Variants in RIF1 observed in about 807,000 individuals in gnomAD.
RIF1 encodes telomere-associated protein RIF1.
A neutral mutation model predicts 247.1 loss-of-function variants in RIF1; 45 were observed. The observed-to-expected ratio is 0.18, with a 90% CI of 0.14 to 0.23. RIF1 has a LOEUF of 0.23. Ranked by LOEUF, RIF1 falls within the 10% of genes least tolerant of loss-of-function variation. The pLI is 1.00. For synonymous variants in RIF1, 1,087 were observed against 978.8 expected, an observed-to-expected ratio of 1.11 and a Z score of -2.06; for missense variants, 2,967 against 2,862.5, an observed-to-expected ratio of 1.04 and a Z score of -0.83.
exon 11 of RIF1, chr2:151,499,393 G>A (rs944708836): frequency 6.6e-7 from 1 of 1,507,132 alleles, no homozygotes; most frequent in African/African-American, 1.4e-5. Context: ...TACAACACCT[G>A]TATGACACAA....
rs1696314030 is a variant in RIF1 at position 151,462,337 on chromosome 2, C to T, written c.3308+15C>T. 1 of 1,527,228 alleles carries T rather than the reference C, an allele frequency of 6.5e-7. No individual in the cohort carries two copies. The highest frequency in any genetic ancestry group is 8.9e-7 in the Non-Finnish European group (1 of 1,126,784). 94.6% of individuals were successfully genotyped at this position (1,527,228 alleles called of 1,614,324 possible). On this transcript the variant is annotated intron_variant, in intron 28 of 35. Coordinates refer to ENST00000444746, the MANE Select transcript of RIF1 (RefSeq NM_018151.5). ...GAAGAGCCTATGTAAGTACAGAAGC[C>T]ATCAAACTTTTATATCTGTTTTATT...
In RIF1 at chr2:151,468,085, A is replaced by G. The variant is rs768430126; in HGVS notation, c.6686A>G (p.His2229Arg). 1 of 1,613,332 alleles carries G rather than the reference A, an allele frequency of 6.2e-7. No individual in the cohort carries two copies. Among genetic ancestry groups the G allele is most frequent in the Non-Finnish European group, 8.5e-7 (1 of 1,179,492 alleles). The change falls in exon 31 of 36, where the codon CAT (histidine) becomes CGT (arginine). Residue 2229 changes from histidine (H) to arginine (R), a missense_variant. Transcript: ENST00000444746. ...IDRRCSIVRS[H>R]SSNSSPIGKS... is the part of the protein sequence containing the mutation. ...AGACGGTGCTCTATTGTTAGGTCCCATTCTTCCAATAGTTCTCCCATAGGA... is the reference window on the plus strand; with the variant it reads ...AGACGGTGCTCTATTGTTAGGTCCCGTTCTTCCAATAGTTCTCCCATAGGA...
At chr2:151,462,509 T>A in intron 29 of RIF1, 43 bp downstream of exon 29, 1 of 1,285,250 alleles carries the variant, frequency 7.8e-7, no homozygotes, top group Non-Finnish European at 1.1e-6. Flanking sequence ...AGAATCACCC[T>A]TCCATTATAC....
rs772814892 is a variant in RIF1 at position 151,438,684 on chromosome 2, A to T, written c.1484A>T (p.Asp495Val). Reference protein sequence around the residue: ...SFVAVGKDAPDVVVSAIWKEL... With the variant: ...SFVAVGKDAPVVVVSAIWKEL... ...TACTCAAGTTTATTTTGTTTGACAG[A>T]TGTGGTTGTCAGTGCTATCTGGAAG... Residue 495 changes from aspartate to valine, a missense_variant and splice_region_variant, in exon 14 of 36, where the codon GAT (aspartate) becomes GTT (valine). Around this residue, in one of 7 missense-constraint regions of RIF1, gnomAD observed 369 missense variants for 322.0 expected, o/e 1.15. Transcript: ENST00000444746. 4 of 1,608,862 alleles carry T rather than the reference A, an allele frequency of 2.5e-6. No individual in the cohort carries two copies. The African/African-American group carries it at 4.0e-5, about 16-fold the overall frequency.
intron 8 of RIF1, 62 bp from the exon 9 acceptor site, chr2:151,428,722 G>T: frequency 7.8e-7 from 1 of 1,274,770 alleles, no homozygotes. Context: ...ATAAAGGAAT[G>T]ATAGCAATTA....
chr2:151,430,774 C>T (rs1689974473), intron 9 of RIF1, among the ~76,000 whole-genome samples: 1 of 151,962 alleles, frequency 6.6e-6, no homozygotes, highest in South Asian at 2.1e-4. Flanking sequence ...CACCTCAGCC[C>T]CCCCAAGTAG....
At position 151,457,915 on chromosome 2, in the gene RIF1, A is replaced by C. The variant is rs1695469901; in HGVS notation, c.2807A>C (p.Asn936Thr). The C allele has an allele frequency of 9.3e-6, 15 of 1,613,822 alleles. No individual in the cohort carries two copies. The highest frequency in any genetic ancestry group is 1.3e-5 in the African/African-American group (1 of 74,922). The change falls in exon 24 of 36, where the codon AAT becomes ACT. Residue 936 changes from asparagine to threonine, a missense_variant. Coordinates refer to ENST00000444746, the MANE Select transcript of RIF1 (RefSeq NM_018151.5). Reference protein sequence around the residue: ...QIRKQSAQFWNATFAKVMMLV... With the variant: ...QIRKQSAQFWTATFAKVMMLV... Reference sequence around the variant, plus strand: ...CGAAAACAGAGTGCTCAGTTCTGGAATGCCACTTTTGCCAAAGTGATGATG... The same window carrying C: ...CGAAAACAGAGTGCTCAGTTCTGGACTGCCACTTTTGCCAAAGTGATGATG...
chr2:151,440,895 TTA>T (rs1226862707), intron 15 of RIF1, among the ~76,000 whole-genome samples: 1 of 152,212 alleles, frequency 6.6e-6, no homozygotes, highest in African/African-American at 2.4e-5. Flanking sequence ...ATACTGTCTA[TTA>T]TTATTACTAA....
chr2:151,465,919 C>A lies in RIF1; in HGVS notation c.6399C>A (p.Ile2133=), dbSNP rs759304769. The A allele has an allele frequency of 1.9e-6, 3 of 1,614,158 alleles. No individual in the cohort carries two copies. The highest frequency in any genetic ancestry group is 1.6e-4 in the Middle Eastern group (1 of 6,062). Residue 2133 remains isoleucine, a synonymous_variant, in exon 30 of 36, where the codon ATC becomes ATA. Coordinates refer to ENST00000444746, the MANE Select transcript of RIF1 (RefSeq NM_018151.5). ...AGTGTCTGGCATCTGGAACAGCTAT[C>A]TCTGAGCTAATAATAGAAGACAATA... ...PSQCLASGTA[I]SELIIEDNNA...
At chr2:151,439,270 C>CCGTGT (rs1691801884) in intron 14 of RIF1, among the ~76,000 whole-genome samples, 1 of 152,124 alleles carries the variant, frequency 6.6e-6, no homozygotes, top group South Asian at 2.1e-4. Context: ...CCGTCCAAAC[C>CCGTGT]CGTGTCGTTC....
chr2:151,451,085 C>T (rs781279480), intron 20 of RIF1, among the ~76,000 whole-genome samples: 5 of 152,114 alleles, frequency 3.3e-5, no homozygotes, highest in Admixed American at 6.5e-5. Context: ...GTGTTTGACT[C>T]AGCAGTTAAC....
chr2:151,427,385 A>AT (rs1331594108), intron 8 of RIF1, among the ~76,000 whole-genome samples: 3 of 151,000 alleles, frequency 2.0e-5, no homozygotes, highest in Non-Finnish European at 4.4e-5. Flanking sequence ...TGATTTTTGT[A>AT]TTTTTAGTAG....
chr2:151,518,069 CT>C, the RIF1 span, among the ~76,000 whole-genome samples: 6 of 152,092 alleles, frequency 3.9e-5, no homozygotes, highest in Non-Finnish European at 4.4e-5. Flanking sequence ...GGTTTGTCCC[CT>C]CATAAAACAC....
chr2:151,461,575 G>A (rs1352953274), intron 27 of RIF1, among the ~76,000 whole-genome samples: 1 of 151,858 alleles, frequency 6.6e-6, no homozygotes, highest in African/African-American at 2.4e-5. Context: ...TGTACTTTTA[G>A]TAGAGACGGG....
In RIF1 at chr2:151,436,924, A is replaced by G. The variant is rs368148912; in HGVS notation, c.1293A>G (p.Gly431=). The change falls in exon 12 of 36, where the codon GGA becomes GGG. Residue 431 remains glycine (G), a synonymous_variant. Transcript: ENST00000444746. ...MATIPSIQLL[G]LEMLLHFLLG... is the part of the protein sequence containing the mutation. ...CAATCCCATCCATTCAACTTTTGGG[A>G]CTTGAAATGTTGCTTCATTTCTTGT... The G allele has an allele frequency of 6.2e-7, 1 of 1,613,832 alleles. No homozygotes were observed. The highest frequency in any genetic ancestry group is 1.3e-5 in the African/African-American group (1 of 74,856).
chr2:151,502,562 AAC>A (rs1334974776), intron 11 of RIF1, among the ~76,000 whole-genome samples: 4 of 152,136 alleles, frequency 2.6e-5, no homozygotes, highest in African/African-American at 9.7e-5. Context: ...GGAGGAAGAA[AAC>A]AGAGTATTAC....
chr2:151,422,994 G>T lies in RIF1; in HGVS notation c.738G>T (p.Glu246Asp). The part of the protein sequence containing the change: ...ELQKLFMSKN[E>D]TYVLKLWPLF... ...AGAAGCTATTTATGAGTAAAAATGA[G>T]ACTTACGTGTTAAAATTATGGCCTT... Residue 246 changes from glutamate (E) to aspartate (D), a missense_variant, in exon 8 of 36, where the codon GAG becomes GAT. Physicochemically the swap from Glu to Asp is conservative, Grantham distance 45. This residue lies in a region of RIF1 where 269 missense variants were observed against 288.6 expected (regional missense o/e 0.93). Transcript: ENST00000444746. The T allele has an allele frequency of 6.3e-7, 1 of 1,599,864 alleles. No homozygotes were observed. The highest frequency in any genetic ancestry group is 8.6e-7 in the Non-Finnish European group (1 of 1,169,096).
intron 10 of RIF1, among the ~76,000 whole-genome samples, chr2:151,496,645 T>TAAAC (rs1254055722): frequency 3.3e-5 from 5 of 152,132 alleles, no homozygotes; most frequent in African/African-American, 9.7e-5. Flanking sequence ...CGGTGCCTCC[T>TAAAC]AAACAATCAC....
chr2:151,457,647 C>A, intron 23 of RIF1, 114 bp from the exon 24 acceptor site: 1 of 693,876 alleles, frequency 1.4e-6, no homozygotes, highest in Non-Finnish European at 2.4e-6. Flanking sequence ...ATATTTAAGG[C>A]AACAGTGGGG....
Sources: gnomAD v4.1 joint callset for allele counts (sites outside exome capture counted in the v4.1 genomes callset) on GRCh38, gnomAD v4.1.1 for gene constraint, gnomAD v4.1.1 regional missense constraint, MANE v1.5 for transcripts, NCBI Gene and HGNC (gene_info 2026-07-23, HGNC 2026-07-21) for gene names.